The following NRXN1 variants were observed in gnomAD, a reference collection of about 807,000 sequenced individuals.
NRXN1 encodes the protein neurexin 1, also known as neurexin-1.
A neutral mutation model predicts 150.9 loss-of-function variants in NRXN1; 39 were observed. That is an observed-to-expected ratio of 0.26 (90% CI 0.20 to 0.34). The LOEUF (loss-of-function observed/expected upper bound fraction) is 0.34. Among genes scored for constraint, NRXN1 ranks in the 10% least tolerant of loss-of-function variants. The pLI is 1.00. For synonymous variants in NRXN1, 924 were observed against 757.0 expected (o/e 1.22, Z -3.62); for missense variants, 1,815 against 1,949.9 (o/e 0.93, Z 1.30).
intron 10 of NRXN1, among the ~76,000 whole-genome samples, chr2:50,533,203 T>TGA (rs2093164405): frequency 6.6e-6 from 1 of 152,114 alleles, no homozygotes; most frequent in Non-Finnish European, 1.5e-5. Flanking sequence ...ATCTACCTCT[T>TGA]GACTTAAGAG....
chr2:50,973,551 C>T (rs1022952811), intron 2 of NRXN1, among the ~76,000 whole-genome samples: 1 of 152,032 alleles, frequency 6.6e-6, no homozygotes, highest in African/African-American at 2.4e-5. Flanking sequence ...AACATTTCAT[C>T]TTTCTTCATT....
At chr2:50,234,568 T>C (rs1004483394) in intron 18 of NRXN1, among the ~76,000 whole-genome samples, 3 of 152,096 alleles carry the variant, frequency 2.0e-5, no homozygotes, top group Non-Finnish European at 4.4e-5. Context: ...GAGTCTGTAA[T>C]GTCTAATCAC....
chr2:50,324,732 C>G (rs2076277324), intron 17 of NRXN1, among the ~76,000 whole-genome samples: 1 of 152,146 alleles, frequency 6.6e-6, no homozygotes, highest in Admixed American at 6.5e-5. Context: ...TTCTATCTTG[C>G]CTGCTTAAGC....
intron 19 of NRXN1, among the ~76,000 whole-genome samples, chr2:50,074,034 A>G (rs1008022242): frequency 1.3e-5 from 2 of 152,136 alleles, no homozygotes; most frequent in African/African-American, 4.8e-5. Flanking sequence ...AGCTGTGCCA[A>G]TTAATGACAC....
intron 17 of NRXN1, among the ~76,000 whole-genome samples, chr2:50,443,832 CTT>C: frequency 1.3e-5 from 2 of 152,140 alleles, no homozygotes; most frequent in African/African-American, 4.8e-5. Flanking sequence ...TCAATATACA[CTT>C]TATAAAATCT....
intron 21 of NRXN1, among the ~76,000 whole-genome samples, chr2:49,983,002 C>G (rs905393014): frequency 6.6e-6 from 1 of 152,112 alleles, no homozygotes; most frequent in Non-Finnish European, 1.5e-5. Context: ...TGGGGACGCC[C>G]TTTTCCCATT....
At chr2:50,919,684 A>G (rs1230734482) in intron 5 of NRXN1, 1 of 152,602 alleles carries the variant, frequency 6.6e-6, no homozygotes, top group African/African-American at 2.4e-5. Flanking sequence ...CTTAACCCCG[A>G]TTTTATGCAC....
chr2:50,358,450 A>G (rs1424748115), intron 17 of NRXN1, among the ~76,000 whole-genome samples: 2 of 152,204 alleles, frequency 1.3e-5, no homozygotes, highest in Admixed American at 1.3e-4. Flanking sequence ...CTCACAATGT[A>G]AACAAAGCTC....
At chr2:50,868,541 T>C (rs1377223173) in intron 5 of NRXN1, among the ~76,000 whole-genome samples, 1 of 151,624 alleles carries the variant, frequency 6.6e-6, no homozygotes, top group Non-Finnish European at 1.5e-5. Context: ...GCACTTGTGT[T>C]CCTTAAATTG....
rs193032365 is a variant in NRXN1, at chr2:50,824,116, G to A, written c.832+97753C>T. On this transcript the variant is annotated intron_variant, in intron 5 of 22. Transcript: ENST00000401669. ...GAAGTCAGAGCCACAAAGTGTGGCTGTGCCACCAAACTACATTTTTTTCAC... is the reference window on the plus strand; with the variant it reads ...GAAGTCAGAGCCACAAAGTGTGGCTATGCCACCAAACTACATTTTTTTCAC... Among the ~76,000 whole-genome samples the A allele has an allele frequency of 5.5e-4, 84 of 152,264 alleles. 1 individual carries two copies. The highest frequency in any genetic ancestry group is 1.9e-3 in the African/African-American group (78 of 41,548).
intron 5 of NRXN1, among the ~76,000 whole-genome samples, chr2:50,720,212 A>G (rs889853334): frequency 2.0e-5 from 3 of 151,860 alleles, no homozygotes; most frequent in South Asian, 2.1e-4. Flanking sequence ...TTTTTTAACC[A>G]CATCTTGAAC....
intron 5 of NRXN1, among the ~76,000 whole-genome samples, chr2:50,850,259 T>C (rs1219643732): frequency 6.6e-5 from 10 of 151,454 alleles, no homozygotes; most frequent in Non-Finnish European, 1.3e-4. Flanking sequence ...AGGTGTTTTG[T>C]TGTTGTTGCT....
chr2:50,501,383 GTA>G, intron 13 of NRXN1, among the ~76,000 whole-genome samples: 1 of 128,040 alleles, frequency 7.8e-6, no homozygotes, highest in African/African-American at 3.4e-5. Flanking sequence ...CATGACTCGT[GTA>G]TGTGTGTGTG....
intron 5 of NRXN1, among the ~76,000 whole-genome samples, chr2:50,664,273 C>T (rs1687700681): frequency 6.6e-6 from 1 of 151,820 alleles, no homozygotes; most frequent in African/African-American, 2.4e-5. Flanking sequence ...AACTAAGGAA[C>T]AAACAGCATG....
chr2:50,700,829 G>A (rs1190640100), intron 5 of NRXN1, among the ~76,000 whole-genome samples: 8 of 150,132 alleles, frequency 5.3e-5, no homozygotes, highest in African/African-American at 9.8e-5. Flanking sequence ...TGAGACGCCC[G>A]GCTAATTTTT....
chr2:50,903,590 C>T (rs1332103992), intron 5 of NRXN1, among the ~76,000 whole-genome samples: 1 of 152,104 alleles, frequency 6.6e-6, no homozygotes. Context: ...CCTTATGGGC[C>T]TTGTGCATAA....
chr2:50,404,394 T>A (rs991304705), intron 17 of NRXN1, among the ~76,000 whole-genome samples: 1 of 152,100 alleles, frequency 6.6e-6, no homozygotes, highest in African/African-American at 2.4e-5. Context: ...ACTCTGAACA[T>A]TCTTCTTTAA....
chr2:50,750,297 CT>C (rs1414205411), intron 5 of NRXN1, among the ~76,000 whole-genome samples: 1 of 151,922 alleles, frequency 6.6e-6, no homozygotes, highest in African/African-American at 2.4e-5. Flanking sequence ...GCTTCTATAG[CT>C]TTTTATTTAT....
At chr2:50,607,930 A>G (rs1302593401) in intron 8 of NRXN1, among the ~76,000 whole-genome samples, 6 of 152,046 alleles carry the variant, frequency 3.9e-5, no homozygotes, top group Non-Finnish European at 8.8e-5. Context: ...GATTATCCCT[A>G]TAAGAGTCCT....
Sources: gnomAD v4.1 joint callset for allele counts (sites outside exome capture counted in the v4.1 genomes callset) on GRCh38, gnomAD v4.1.1 for gene constraint, MANE v1.5 for transcripts, NCBI Gene and HGNC (gene_info 2026-07-23, HGNC 2026-07-21) for gene names.